The following LRMDA variants were observed in gnomAD, a reference collection of about 807,000 sequenced individuals.
LRMDA encodes the protein leucine rich melanocyte differentiation associated.
Under a neutral mutation model 29.8 loss-of-function variants are expected in LRMDA, and 18 were observed. The ratio of observed to expected loss-of-function variants is 0.60; its 90% CI spans 0.42 to 0.90. LRMDA has a LOEUF of 0.90. LRMDA is among the 40% of genes least tolerant of loss of function. The probability of loss-of-function intolerance (pLI) is 0.00; values close to 1 mark genes in which losing one functional copy is unlikely to be tolerated. For synonymous variants in LRMDA, 125 were observed against 109.4 expected, an observed-to-expected ratio of 1.14 and a Z score of -0.89; for missense variants, 273 against 273.9, an observed-to-expected ratio of 1.00 and a Z score of 0.02.
At chr10:75,561,382 C>G (rs1314356496) in intron 2 of LRMDA, among the ~76,000 whole-genome samples, 1 of 149,374 alleles carries the variant, frequency 6.7e-6, no homozygotes, top group Non-Finnish European at 1.5e-5. Context: ...ATGGTGATAT[C>G]CCCTTTATCA....
chr10:75,676,420 C>A (rs1422978704), intron 2 of LRMDA, among the ~76,000 whole-genome samples: 8 of 152,192 alleles, frequency 5.3e-5, no homozygotes, highest in Admixed American at 3.3e-4. Flanking sequence ...ACATTGTCAT[C>A]ATCTCCAGGT....
At chr10:75,493,190 T>A (rs545245200) in intron 2 of LRMDA, among the ~76,000 whole-genome samples, 11 of 152,274 alleles carry the variant, frequency 7.2e-5, no homozygotes, top group Non-Finnish European at 1.0e-4. Context: ...TTTAAAACTT[T>A]ATCACCAAAA....
At chr10:76,486,823 T>C (rs544798239) in intron 6 of LRMDA, among the ~76,000 whole-genome samples, 1 of 152,002 alleles carries the variant, frequency 6.6e-6, no homozygotes, top group South Asian at 2.1e-4. Flanking sequence ...CTGCCACAGC[T>C]GCCATGGAAG....
chr10:75,635,524 C>A (rs1234737981), intron 2 of LRMDA, among the ~76,000 whole-genome samples: 1 of 152,158 alleles, frequency 6.6e-6, no homozygotes, highest in African/African-American at 2.4e-5. Context: ...GCCTTAAAAA[C>A]ATGTACCAGG....
At chr10:76,299,219 A>G (rs1167861621) in intron 5 of LRMDA, among the ~76,000 whole-genome samples, 1 of 150,962 alleles carries the variant, frequency 6.6e-6, no homozygotes, top group Non-Finnish European at 1.5e-5. Context: ...TGTTTTAAGT[A>G]TATTGTGTGT....
chr10:76,147,661 G>A (rs1020537943), intron 5 of LRMDA, among the ~76,000 whole-genome samples: 53 of 151,844 alleles, frequency 3.5e-4, no homozygotes, highest in African/African-American at 9.9e-4. Context: ...TAGTTTGATC[G>A]TCTGAAGCCT....
chr10:76,298,177 G>C (rs1840435906), intron 5 of LRMDA, among the ~76,000 whole-genome samples: 6 of 152,200 alleles, frequency 3.9e-5, no homozygotes, highest in African/African-American at 1.4e-4. Flanking sequence ...CAGTCAAGTA[G>C]AACTGGTAAA....
intron 2 of LRMDA, among the ~76,000 whole-genome samples, chr10:75,623,390 A>G (rs1841212337): frequency 6.6e-6 from 1 of 152,188 alleles, no homozygotes; most frequent in South Asian, 2.1e-4. Context: ...CAAAGCTGTA[A>G]GAATATTTTC....
In LRMDA at chr10:76,135,560, ATT is replaced by A. The variant is rs369388330; in HGVS notation, c.516+76778_516+76779del. ...TAGGTGGTTTAAACAGCAGAAATGT[ATT>A]GTCTTACATTTCTGGAGGCCAGAAG... is the stretch of plus-strand genomic sequence containing the variant. On this transcript the variant is annotated intron_variant, in intron 5 of 6. Coordinates refer to ENST00000611255, the MANE Select transcript of LRMDA (RefSeq NM_001305581.2). 1.2e-4 allele frequency among the ~76,000 whole-genome samples: 18 copies of A among 152,252 alleles called. No homozygotes were observed. The East Asian group carries it at 2.7e-3, about 23-fold the overall frequency.
At chr10:75,669,189 C>T (rs531845343) in intron 2 of LRMDA, among the ~76,000 whole-genome samples, 51 of 152,342 alleles carry the variant, frequency 3.3e-4, no homozygotes, top group Middle Eastern at 3.4e-3. Flanking sequence ...GTGTCACCCT[C>T]GTTCCTGAGG....
intron 2 of LRMDA, among the ~76,000 whole-genome samples, chr10:75,963,885 G>A (rs978038589): frequency 2.0e-5 from 3 of 152,182 alleles, no homozygotes; most frequent in Non-Finnish European, 4.4e-5. Flanking sequence ...TGCTTACAGA[G>A]CAAATATGCA....
chr10:76,082,417 T>C (rs1423358138), intron 5 of LRMDA, among the ~76,000 whole-genome samples: 1 of 152,154 alleles, frequency 6.6e-6, no homozygotes, highest in Non-Finnish European at 1.5e-5. Context: ...TTTATTTGTA[T>C]CTGTTGTAGT....
intron 2 of LRMDA, among the ~76,000 whole-genome samples, chr10:75,945,594 T>A (rs1257555557): frequency 6.6e-6 from 1 of 152,216 alleles, no homozygotes. Context: ...TTAGAATATT[T>A]TGTCCAAATT....
chr10:76,225,930 A>C (rs547689074), intron 5 of LRMDA, among the ~76,000 whole-genome samples: 1 of 129,140 alleles, frequency 7.7e-6, no homozygotes, highest in Non-Finnish European at 1.6e-5. Flanking sequence ...CCTGTGTCCA[A>C]ATGTTCCTAT....
chr10:76,034,211 G>T (rs151021853), intron 2 of LRMDA, among the ~76,000 whole-genome samples: 170 of 152,094 alleles, frequency 1.1e-3, no homozygotes, highest in African/African-American at 4.0e-3. Flanking sequence ...TATTTTTTGT[G>T]GGTACATAAG....
chr10:75,888,767 C>T (rs79704750), intron 2 of LRMDA, among the ~76,000 whole-genome samples: 2,457 of 152,208 alleles, frequency 0.016, 74 homozygotes, highest in African/African-American at 0.056. Flanking sequence ...GGGCCATCAA[C>T]GTACATGTAT....
intron 2 of LRMDA, among the ~76,000 whole-genome samples, chr10:75,559,179 C>G (rs1174404434): frequency 6.6e-6 from 1 of 152,196 alleles, no homozygotes; most frequent in Non-Finnish European, 1.5e-5. Flanking sequence ...TTCTCTACAT[C>G]CTTTACAGCA....
intron 5 of LRMDA, among the ~76,000 whole-genome samples, chr10:76,191,393 A>G (rs1019403624): frequency 6.6e-6 from 1 of 152,240 alleles, no homozygotes; most frequent in Non-Finnish European, 1.5e-5. Flanking sequence ...ATGAGCGGCT[A>G]TTTACTCAAT....
chr10:75,677,164 G>A (rs977000112), intron 2 of LRMDA, among the ~76,000 whole-genome samples: 2 of 152,194 alleles, frequency 1.3e-5, no homozygotes, highest in Non-Finnish European at 2.9e-5. Context: ...GCTACATGGA[G>A]TTTGATTTGT....
Sources: gnomAD v4.1 joint callset for allele counts (sites outside exome capture counted in the v4.1 genomes callset) on GRCh38, gnomAD v4.1.1 for gene constraint, MANE v1.5 for transcripts, NCBI Gene and HGNC (gene_info 2026-07-23, HGNC 2026-07-21) for gene names.